Variants in LHFPL6 observed in about 807,000 individuals in gnomAD.
The protein encoded by LHFPL6 is LHFPL tetraspan subfamily member 6 protein.
In LHFPL6, 9 loss-of-function variants were observed where a neutral mutation model predicts 20.6. That is an observed-to-expected ratio of 0.44 (90% CI 0.26 to 0.76). The LOEUF is 0.76. Among genes scored for constraint, LHFPL6 ranks in the 30% least tolerant of loss-of-function variants. LHFPL6 has a pLI of 0.20. For missense variants in LHFPL6, 218 were observed against 253.5 expected (o/e 0.86, Z 0.95); for synonymous variants, 105 against 98.7 (o/e 1.06, Z -0.38).
intron 3 of LHFPL6, among the ~76,000 whole-genome samples, chr13:39,358,036 A>T (rs977107369): frequency 6.6e-6 from 1 of 152,308 alleles, no homozygotes; most frequent in Non-Finnish European, 1.5e-5. Flanking sequence ...TCATACAATT[A>T]GAAAAAAAAT....
intron 2 of LHFPL6, among the ~76,000 whole-genome samples, chr13:39,428,146 C>A (rs189940865): frequency 6.6e-6 from 1 of 152,286 alleles, no homozygotes; most frequent in Admixed American, 6.5e-5. Context: ...TCAGGTATTT[C>A]TTTCTAGCAG....
chr13:39,558,592 T>C (rs1485264568), intron 2 of LHFPL6, among the ~76,000 whole-genome samples: 1 of 152,210 alleles, frequency 6.6e-6, no homozygotes, highest in Non-Finnish European at 1.5e-5. Context: ...ACGATGATGA[T>C]ATCATTTTTA....
chr13:39,458,377 G>A (rs1872617051), intron 2 of LHFPL6, among the ~76,000 whole-genome samples: 1 of 152,136 alleles, frequency 6.6e-6, no homozygotes, highest in African/African-American at 2.4e-5. Flanking sequence ...GAAAACAAGA[G>A]ATGTGAGAAA....
chr13:39,446,490 C>A lies in LHFPL6; in HGVS notation c.386-67964G>T, dbSNP rs546632890. ...TACCATCTGCAGAGCACAGAGTAAG[C>A]AGAGGCCCTAGGACATTCAGCATGG... On this transcript the variant is annotated intron_variant, in intron 2 of 3. Coordinates refer to ENST00000379589, the MANE Select transcript of LHFPL6 (RefSeq NM_005780.3). Among the ~76,000 whole-genome samples the A allele has an allele frequency of 2.6e-5, 4 of 152,234 alleles. No individual in the cohort carries two copies. In the East Asian group the frequency reaches 7.7e-4, roughly 29 times the overall value.
At chr13:39,430,408 C>T (rs1468960925) in intron 2 of LHFPL6, among the ~76,000 whole-genome samples, 1 of 152,220 alleles carries the variant, frequency 6.6e-6, no homozygotes, top group East Asian at 1.9e-4. Context: ...GATCTTATGG[C>T]AGCCCAACTT....
intron 2 of LHFPL6, among the ~76,000 whole-genome samples, chr13:39,554,934 G>C (rs1407387815): frequency 1.3e-5 from 2 of 152,174 alleles, no homozygotes; most frequent in Non-Finnish European, 2.9e-5. Flanking sequence ...TGCTTGATAG[G>C]CTAAATGCAA....
At chr13:39,584,264 G>A (rs1385695049) in intron 2 of LHFPL6, among the ~76,000 whole-genome samples, 3 of 152,036 alleles carry the variant, frequency 2.0e-5, no homozygotes, top group Non-Finnish European at 2.9e-5. Flanking sequence ...ACCAATGGCC[G>A]GGCACGGTGG....
At chr13:39,579,708 A>G (rs535287990) in intron 2 of LHFPL6, among the ~76,000 whole-genome samples, 60 of 152,326 alleles carry the variant, frequency 3.9e-4, no homozygotes, top group African/African-American at 1.4e-3. Context: ...AAACCCCTCA[A>G]TTGAGCCCTA....
intron 2 of LHFPL6, among the ~76,000 whole-genome samples, chr13:39,429,158 T>C (rs939572555): frequency 2.7e-4 from 41 of 151,948 alleles, no homozygotes; most frequent in African/African-American, 8.7e-4. Flanking sequence ...AAGTTGACAG[T>C]GTTGTTCAAG....
At chr13:39,558,016 T>C (rs916812401) in intron 2 of LHFPL6, among the ~76,000 whole-genome samples, 20 of 152,238 alleles carry the variant, frequency 1.3e-4, no homozygotes, top group African/African-American at 4.6e-4. Flanking sequence ...GCTGAGCAGA[T>C]GCTGGCACCA....
At chr13:39,474,016 AG>A (rs1873014789) in intron 2 of LHFPL6, among the ~76,000 whole-genome samples, 1 of 152,250 alleles carries the variant, frequency 6.6e-6, no homozygotes, top group African/African-American at 2.4e-5. Flanking sequence ...GTTTGGGGAA[AG>A]GGTAACTATT....
At chr13:39,390,393 G>A (rs559025138) in intron 2 of LHFPL6, among the ~76,000 whole-genome samples, 6 of 152,186 alleles carry the variant, frequency 3.9e-5, no homozygotes, top group Non-Finnish European at 5.9e-5. Context: ...GACTACTAAG[G>A]TGGCTGAGGC....
chr13:39,399,758 C>G (rs1444501397), intron 2 of LHFPL6, among the ~76,000 whole-genome samples: 1 of 152,128 alleles, frequency 6.6e-6, no homozygotes, highest in Non-Finnish European at 1.5e-5. Flanking sequence ...TGAAGGGGAT[C>G]CAAGATCAGA....
intron 2 of LHFPL6, among the ~76,000 whole-genome samples, chr13:39,557,340 G>A (rs1187817644): frequency 6.6e-6 from 1 of 152,356 alleles, no homozygotes; most frequent in East Asian, 1.9e-4. Context: ...TGTTAAGCCT[G>A]TAGGCCTATG....
intron 2 of LHFPL6, among the ~76,000 whole-genome samples, chr13:39,470,880 C>G (rs1453666965): frequency 5.3e-5 from 8 of 152,204 alleles, no homozygotes; most frequent in Non-Finnish European, 1.0e-4. Context: ...AGCGGCCCAT[C>G]ATCACCGTGG....
At chr13:39,446,048 T>C (rs1399513891) in intron 2 of LHFPL6, among the ~76,000 whole-genome samples, 1 of 152,194 alleles carries the variant, frequency 6.6e-6, no homozygotes, top group African/African-American at 2.4e-5. Flanking sequence ...GTATGCCAAG[T>C]CTTCTTTAAG....
At position 39,451,330 on chromosome 13, in the gene LHFPL6, G is replaced by C. The variant is rs186434269; in HGVS notation, c.386-72804C>G. ...CTAAGATATTGGGTGATTAACAATGGGTAAAGGAAAAACATCAATTGGCAG... is the reference window on the plus strand; with the variant it reads ...CTAAGATATTGGGTGATTAACAATGCGTAAAGGAAAAACATCAATTGGCAG... On this transcript the variant is annotated intron_variant, in intron 2 of 3. Transcript: ENST00000379589. Among the ~76,000 whole-genome samples, 298 of 152,208 alleles carry C rather than the reference G, an allele frequency of 2.0e-3. 3 individuals carry two copies. Among genetic ancestry groups the C allele is most frequent in the African/African-American group, 7.0e-3 (291 of 41,532 alleles).
chr13:39,575,995 G>A (rs1872101775), intron 2 of LHFPL6, among the ~76,000 whole-genome samples: 1 of 152,132 alleles, frequency 6.6e-6, no homozygotes. Flanking sequence ...CCCTAGAGGA[G>A]GCATCTCTTC....
intron 2 of LHFPL6, among the ~76,000 whole-genome samples, chr13:39,434,463 T>A (rs1351425693): frequency 6.6e-6 from 1 of 152,228 alleles, no homozygotes; most frequent in Non-Finnish European, 1.5e-5. Context: ...TTCCTTTGCA[T>A]ATTATATATG....
Sources: gnomAD v4.1 joint callset for allele counts (sites outside exome capture counted in the v4.1 genomes callset) on GRCh38, gnomAD v4.1.1 for gene constraint, MANE v1.5 for transcripts, NCBI Gene and HGNC (gene_info 2026-07-23, HGNC 2026-07-21) for gene names.